The following PRKCE variants were observed in gnomAD, a reference collection of about 807,000 sequenced individuals.
The protein encoded by PRKCE is protein kinase C epsilon, also known as protein kinase C epsilon type.
In PRKCE, 16 loss-of-function variants were observed where a neutral mutation model predicts 85.4. The observed-to-expected ratio is 0.19, with a 90% confidence interval of 0.13 to 0.28. PRKCE has a LOEUF of 0.28. PRKCE is among the 10% of genes least tolerant of loss of function. The probability of loss-of-function intolerance (pLI) is 1.00; values close to 1 mark genes in which losing one functional copy is unlikely to be tolerated. For missense variants in PRKCE, 573 were observed against 975.2 expected (o/e 0.59, Z 5.49); for synonymous variants, 388 against 371.5 (o/e 1.04, Z -0.51).
intron 10 of PRKCE, among the ~76,000 whole-genome samples, chr2:46,020,520 G>A (rs983676258): frequency 1.3e-5 from 2 of 152,100 alleles, no homozygotes; most frequent in African/African-American, 4.8e-5. Flanking sequence ...ACATTCCTGA[G>A]ATTTGGGCAG....
intron 2 of PRKCE, among the ~76,000 whole-genome samples, chr2:45,913,347 G>T (rs1382977598): frequency 6.6e-6 from 1 of 152,184 alleles, no homozygotes; most frequent in Non-Finnish European, 1.5e-5. Flanking sequence ...ACAAGGTTTT[G>T]CCATGTTGTC....
intron 1 of PRKCE, among the ~76,000 whole-genome samples, chr2:45,682,489 C>T (rs1048312251): frequency 5.3e-5 from 8 of 152,180 alleles, no homozygotes; most frequent in South Asian, 2.1e-4. Context: ...TGCAGTGGCA[C>T]GATCTTGGCT....
intron 10 of PRKCE, among the ~76,000 whole-genome samples, chr2:46,074,469 ACAG>A (rs1668377727): frequency 6.6e-6 from 1 of 152,118 alleles, no homozygotes; most frequent in Non-Finnish European, 1.5e-5. Flanking sequence ...GATAGAAAAA[ACAG>A]CAGCAACAAC....
rs114666014 is a variant in PRKCE at position 45,823,082 on chromosome 2, T to A, written c.349-19918T>A. On this transcript the variant is annotated intron_variant, in intron 1 of 14. Transcript: ENST00000306156. The stretch of plus-strand genomic sequence containing the variant: ...GGGAAACAAAGAGGTATGGACTCTG[T>A]CCCCAAGGAGCCTGGGCTCCTACTG... Among the ~76,000 whole-genome samples the A allele has an allele frequency of 3.5e-3, 527 of 152,298 alleles. 3 individuals carry two copies. Among genetic ancestry groups the A allele is most frequent in the African/African-American group, 0.012 (492 of 41,554 alleles).
At chr2:46,031,116 G>C (rs1707485237) in intron 10 of PRKCE, among the ~76,000 whole-genome samples, 1 of 152,194 alleles carries the variant, frequency 6.6e-6, no homozygotes, top group African/African-American at 2.4e-5. Context: ...TAGCCAATTA[G>C]ATTTTTATTT....
chr2:46,094,753 A>G (rs1166220669), intron 11 of PRKCE, among the ~76,000 whole-genome samples: 1 of 152,038 alleles, frequency 6.6e-6, no homozygotes, highest in African/African-American at 2.4e-5. Flanking sequence ...TTACCTGTAT[A>G]ACAAACATGC....
At position 46,138,474 on chromosome 2, in the gene PRKCE, G is replaced by C. The variant is rs925712058; in HGVS notation, c.1593-6619G>C. ...GTGGGTTGAGGATGCCAATTAGCAG[G>C]GTTGGTAGAGTCAGGATTCCCATCT... On this transcript the variant is annotated intron_variant, in intron 11 of 14. Transcript: ENST00000306156. This position sits in a 1 kb window ranked among gnomAD's most constrained non-coding sequence, Gnocchi z 4.2. Among the ~76,000 whole-genome samples the C allele has an allele frequency of 2.0e-5, 3 of 152,176 alleles. No homozygotes were observed. The highest frequency in any genetic ancestry group is 1.3e-4 in the Admixed American group (2 of 15,276).
rs562756797 is a variant in PRKCE at position 46,137,154 on chromosome 2, C to T, written c.1593-7939C>T. Among the ~76,000 whole-genome samples, 258 of 152,204 alleles carry T rather than the reference C, an allele frequency of 1.7e-3. 2 individuals carry two copies. The Middle Eastern group carries it at 0.017, about 10-fold the overall frequency. ...ATCATTCCATCCTGGCAATCCTATC[C>T]CCAGTTAACAGATAAGAAAACTGAG... On this transcript the variant is annotated intron_variant, in intron 11 of 14. Transcript: ENST00000306156.
intron 10 of PRKCE, among the ~76,000 whole-genome samples, chr2:46,049,827 A>C (rs1291222726): frequency 2.0e-5 from 3 of 152,170 alleles, no homozygotes; most frequent in African/African-American, 7.2e-5. Context: ...TGTGTTCTGC[A>C]GTTGATTTCA....
intron 10 of PRKCE, among the ~76,000 whole-genome samples, chr2:46,018,239 C>T (rs1187140130): frequency 6.6e-6 from 1 of 152,216 alleles, no homozygotes; most frequent in Non-Finnish European, 1.5e-5. Flanking sequence ...TCACACTTGT[C>T]TGTTTAGCCA....
At chr2:46,101,778 C>T (rs1348093540) in intron 11 of PRKCE, among the ~76,000 whole-genome samples, 1 of 148,748 alleles carries the variant, frequency 6.7e-6, no homozygotes, top group Non-Finnish European at 1.5e-5. Context: ...TGTCCGAGGA[C>T]ACTCGGTCTC....
intron 10 of PRKCE, among the ~76,000 whole-genome samples, chr2:46,047,047 T>G (rs1020579007): frequency 6.6e-6 from 1 of 152,190 alleles, no homozygotes; most frequent in Admixed American, 6.5e-5. Flanking sequence ...TGAATTCTTT[T>G]TAGGTCAGGA....
chr2:46,025,565 A>G (rs1193681972), intron 10 of PRKCE, among the ~76,000 whole-genome samples: 4 of 152,224 alleles, frequency 2.6e-5, no homozygotes, highest in East Asian at 1.9e-4. Flanking sequence ...CTGAGGCACA[A>G]GCGTTGAAGT....
intron 1 of PRKCE, among the ~76,000 whole-genome samples, chr2:45,841,691 C>T (rs1234739021): frequency 3.3e-5 from 5 of 152,198 alleles, no homozygotes; most frequent in Admixed American, 2.6e-4. Context: ...TCAATATTAA[C>T]CATCGCAGGA....
intron 2 of PRKCE, among the ~76,000 whole-genome samples, chr2:45,937,470 T>C (rs771673937): frequency 6.6e-6 from 1 of 152,206 alleles, no homozygotes; most frequent in Non-Finnish European, 1.5e-5. Flanking sequence ...CCCAGCACTT[T>C]GGGAGGCTCA....
At chr2:45,701,782 A>G (rs1361706352) in intron 1 of PRKCE, among the ~76,000 whole-genome samples, 3 of 152,170 alleles carry the variant, frequency 2.0e-5, no homozygotes, top group African/African-American at 7.2e-5. Context: ...ATAAAGCCTC[A>G]CCTATTACAC....
At chr2:46,010,615 T>C in intron 10 of PRKCE, 98 bp downstream of exon 10, 1 of 1,599,194 alleles carries the variant, frequency 6.3e-7, no homozygotes, top group Middle Eastern at 1.7e-4. Context: ...TCTCAAAGAC[T>C]TTGTAAAGTG....
intron 10 of PRKCE, among the ~76,000 whole-genome samples, chr2:46,054,422 C>G (rs72876171): frequency 0.046 from 6,982 of 152,288 alleles, 444 homozygotes; most frequent in African/African-American, 0.14. Flanking sequence ...GACACCTCTA[C>G]TATTTTTTTT....
At position 45,985,341 on chromosome 2, in the gene PRKCE, C is replaced by T. The variant is rs61756868; in HGVS notation, c.823+661C>T. 5.9e-3 allele frequency among the ~76,000 whole-genome samples: 899 copies of T among 152,138 alleles called. 11 individuals are homozygous for T. Among genetic ancestry groups the T allele is most frequent in the African/African-American group, 0.02 (841 of 41,486 alleles). ...ACTCAGATGATGATGCTAAGTGGCA[C>T]GGGGAGTAGCATATAACACAGGGAG... On this transcript the variant is annotated intron_variant, in intron 6 of 14. Transcript: ENST00000306156.
Sources: gnomAD v4.1 joint callset for allele counts (sites outside exome capture counted in the v4.1 genomes callset) on GRCh38, gnomAD v4.1.1 for gene constraint, Gnocchi (gnomAD v3.1) non-coding constraint, MANE v1.5 for transcripts, NCBI Gene and HGNC (gene_info 2026-07-23, HGNC 2026-07-21) for gene names.